MSI2: variants seen among roughly 807,000 people sequenced by gnomAD.
The protein encoded by MSI2 is musashi RNA binding protein 2, also known as RNA-binding protein Musashi homolog 2.
A neutral mutation model predicts 45.6 loss-of-function variants in MSI2; 17 were observed. The ratio of observed to expected loss-of-function variants is 0.37; its 90% CI spans 0.26 to 0.56. The LOEUF is 0.56. MSI2 is among the 20% of genes least tolerant of loss of function. The pLI is 0.77. For synonymous variants in MSI2, 156 were observed against 158.2 expected, an observed-to-expected ratio of 0.99 and a Z score of 0.11; for missense variants, 293 against 444.2, an observed-to-expected ratio of 0.66 and a Z score of 3.06.
intron 5 of MSI2, among the ~76,000 whole-genome samples, chr17:57,317,262 T>C (rs1912924194): frequency 1.3e-5 from 2 of 152,134 alleles, no homozygotes; most frequent in South Asian, 4.1e-4. Flanking sequence ...TCTGTTGCCA[T>C]CTCTTCAGCT....
At chr17:57,330,802 G>A (rs1914191448) in intron 5 of MSI2, among the ~76,000 whole-genome samples, 1 of 152,010 alleles carries the variant, frequency 6.6e-6, no homozygotes, top group African/African-American at 2.4e-5. Flanking sequence ...GTGGCACCCT[G>A]GGGTTCAAGT....
intron 10 of MSI2, among the ~76,000 whole-genome samples, chr17:57,651,401 T>C (rs560874615): frequency 6.6e-6 from 1 of 151,120 alleles, no homozygotes; most frequent in East Asian, 2.0e-4. Context: ...CACCGAGAGA[T>C]CAAATAAAGC....
chr17:57,470,409 C>T (rs1286496096), intron 6 of MSI2, among the ~76,000 whole-genome samples: 1 of 152,144 alleles, frequency 6.6e-6, no homozygotes, highest in African/African-American at 2.4e-5. Context: ...TCCCAAGTAG[C>T]TGGGACTACA....
intron 8 of MSI2, among the ~76,000 whole-genome samples, chr17:57,598,126 G>T (rs1905446184): frequency 6.6e-6 from 1 of 152,214 alleles, no homozygotes; most frequent in Non-Finnish European, 1.5e-5. Context: ...CTCAGCAGGT[G>T]TTTCTGGAAC....
chr17:57,479,581 A>G (rs2085608941), intron 6 of MSI2, among the ~76,000 whole-genome samples: 1 of 152,246 alleles, frequency 6.6e-6, no homozygotes, highest in Non-Finnish European at 1.5e-5. Context: ...AATGAAGAGC[A>G]GGAAGGACAC....
At chr17:57,269,726 C>T (rs1047419959) in intron 5 of MSI2, among the ~76,000 whole-genome samples, 5 of 152,174 alleles carry the variant, frequency 3.3e-5, no homozygotes, top group African/African-American at 1.2e-4. Flanking sequence ...AGTGAGATGT[C>T]ATTTCTCAAT....
chr17:57,348,657 G>T (rs114948180), intron 5 of MSI2, among the ~76,000 whole-genome samples: 2,626 of 152,138 alleles, frequency 0.017, 71 homozygotes, highest in African/African-American at 0.059. Context: ...CGAAGCCTTC[G>T]CTGGAAGCCG....
chr17:57,413,584 A>T (rs1356191394), intron 6 of MSI2, among the ~76,000 whole-genome samples: 2 of 151,910 alleles, frequency 1.3e-5, no homozygotes, highest in African/African-American at 4.9e-5. Context: ...AAATATCTTT[A>T]TATATATTGA....
intron 6 of MSI2, among the ~76,000 whole-genome samples, chr17:57,519,914 C>T (rs1009429973): frequency 3.9e-5 from 6 of 152,032 alleles, no homozygotes; most frequent in African/African-American, 1.4e-4. Context: ...TATGATGCCA[C>T]GTGTGTGGGC....
chr17:57,532,542 AAAG>A (rs1432941968), intron 7 of MSI2, among the ~76,000 whole-genome samples: 1 of 152,228 alleles, frequency 6.6e-6, no homozygotes, highest in Non-Finnish European at 1.5e-5. Context: ...TGTTTTTCAA[AAAG>A]AAGAACATAT....
intron 6 of MSI2, among the ~76,000 whole-genome samples, chr17:57,490,291 T>C (rs1315704059): frequency 6.6e-6 from 1 of 152,234 alleles, no homozygotes; most frequent in Non-Finnish European, 1.5e-5. Context: ...CTCTCCTTTG[T>C]TCTCTTAAGT....
At chr17:57,637,302 G>A (rs907957667) in intron 10 of MSI2, among the ~76,000 whole-genome samples, 9 of 152,356 alleles carry the variant, frequency 5.9e-5, no homozygotes, top group African/African-American at 9.6e-5. Context: ...GACCGACCGC[G>A]GCACGAGGCT....
intron 6 of MSI2, among the ~76,000 whole-genome samples, chr17:57,429,364 G>A (rs2084552517): frequency 6.6e-6 from 1 of 152,164 alleles, no homozygotes; most frequent in Non-Finnish European, 1.5e-5. Flanking sequence ...GAAAAGGAGA[G>A]GCTGATCATG....
chr17:57,473,194 A>G (rs902210131), intron 6 of MSI2, among the ~76,000 whole-genome samples: 2 of 152,106 alleles, frequency 1.3e-5, no homozygotes, highest in Admixed American at 6.5e-5. Context: ...CTGGCCTTCC[A>G]CTTTTCTTTA....
At chr17:57,499,627 C>T (rs2086057987) in intron 6 of MSI2, among the ~76,000 whole-genome samples, 1 of 152,170 alleles carries the variant, frequency 6.6e-6, no homozygotes, top group South Asian at 2.1e-4. Context: ...CTTAAAACAA[C>T]AGCAATCGTT....
At chr17:57,585,603 G>A (rs1201513688) in intron 7 of MSI2, among the ~76,000 whole-genome samples, 5 of 152,246 alleles carry the variant, frequency 3.3e-5, no homozygotes, top group Non-Finnish European at 5.9e-5. Context: ...CTCTTAGCTT[G>A]TGTGTTGCTC....
chr17:57,258,918 G>A (rs1450701844), intron 4 of MSI2, among the ~76,000 whole-genome samples: 3 of 151,048 alleles, frequency 2.0e-5, no homozygotes, highest in Non-Finnish European at 4.4e-5. Flanking sequence ...TGAAATCTAA[G>A]GCTGATAAGG....
At chr17:57,307,527 C>T (rs565886521) in intron 5 of MSI2, among the ~76,000 whole-genome samples, 103 of 152,066 alleles carry the variant, frequency 6.8e-4, no homozygotes, top group African/African-American at 2.3e-3. Context: ...TGGGTTCAAG[C>T]GATTCTCTTG....
intron 6 of MSI2, among the ~76,000 whole-genome samples, chr17:57,510,172 T>C (rs1481739982): frequency 6.6e-6 from 1 of 152,032 alleles, no homozygotes; most frequent in Non-Finnish European, 1.5e-5. Flanking sequence ...TTCAGCCTTT[T>C]GTGTGGCTGG....
Sources: gnomAD v4.1 joint callset for allele counts (sites outside exome capture counted in the v4.1 genomes callset) on GRCh38, gnomAD v4.1.1 for gene constraint, MANE v1.5 for transcripts, NCBI Gene and HGNC (gene_info 2026-07-23, HGNC 2026-07-21) for gene names.